CDC42BPA: variants seen among roughly 807,000 people sequenced by gnomAD.
CDC42BPA encodes serine/threonine-protein kinase MRCK alpha.
In CDC42BPA, 80 loss-of-function variants were observed where a neutral mutation model predicts 223.5. That is an observed-to-expected ratio of 0.36 (90% CI 0.30 to 0.43). The LOEUF (loss-of-function observed/expected upper bound fraction) is 0.43, where lower values mean the gene tolerates loss of function less well. Ranked by LOEUF, CDC42BPA falls within the 20% of genes least tolerant of loss-of-function variation. The pLI, the probability that CDC42BPA is intolerant of heterozygous loss-of-function variation, is 1.00. For missense variants in CDC42BPA, 1,743 were observed against 2,099.9 expected, an observed-to-expected ratio of 0.83 and a Z score of 3.32; for synonymous variants, 694 against 718.6, an observed-to-expected ratio of 0.97 and a Z score of 0.55.
At chr1:227,261,802 A>T (rs752998482) in intron 1 of CDC42BPA, among the ~76,000 whole-genome samples, 2 of 152,038 alleles carry the variant, frequency 1.3e-5, no homozygotes, top group East Asian at 3.9e-4. Flanking sequence ...CCCTTTCCCC[A>T]TGTCAGGGAA....
chr1:227,280,021 G>A, intron 1 of CDC42BPA, among the ~76,000 whole-genome samples: 1 of 151,978 alleles, frequency 6.6e-6, no homozygotes, highest in East Asian at 1.9e-4. Context: ...TTGTGCCACT[G>A]TAATCCAGCC....
rs1489949541 is a variant in CDC42BPA at position 226,991,957 on chromosome 1, ATGGGGAGGG to A, written c.*2302_*2310del. The A allele has an allele frequency of 6.6e-5, 8 of 121,374 alleles. No individual in the cohort carries two copies. Among genetic ancestry groups the A allele is most frequent in the Admixed American group, 6.3e-4 (7 of 11,134 alleles). 7.5% of individuals were successfully genotyped at this position (121,374 alleles called of 1,614,324 possible). The stretch of plus-strand genomic sequence containing the variant: ...AGGCAAGGGGAAAGGGAAGAGGAGG[ATGGGGAGGG>A]TGGGGATGGGGAGGGTGGGAAGAGT... On this transcript the variant is annotated 3_prime_UTR_variant, in exon 37 of 37. Coordinates refer to ENST00000366766, the MANE Select transcript of CDC42BPA (RefSeq NM_001394014.1).
intron 1 of CDC42BPA, among the ~76,000 whole-genome samples, chr1:227,285,320 A>T (rs573875615): frequency 1.3e-5 from 2 of 152,344 alleles, no homozygotes; most frequent in South Asian, 2.1e-4. Flanking sequence ...TAGCAATCAT[A>T]TATTTTTTGA....
At chr1:227,254,365 A>T (rs1682686191) in intron 1 of CDC42BPA, among the ~76,000 whole-genome samples, 2 of 152,188 alleles carry the variant, frequency 1.3e-5, no homozygotes, top group South Asian at 4.1e-4. Flanking sequence ...TATGAATTAC[A>T]TTTTTGGTGA....
rs142853761 is a variant in CDC42BPA at position 227,026,130 on chromosome 1, C to T, written c.4455G>A (p.Ser1485=). ...TATCAACTGCATTTTCACTGTACAC[C>T]GAGAGATATGGTGCATTGTAACCTG... ...SSCCYNAPYL[S]VYSENAVDIF... The change falls in exon 31 of 37, where the codon TCG becomes TCA. Residue 1485 remains serine (S), a synonymous_variant. Coordinates refer to ENST00000366766, the MANE Select transcript of CDC42BPA (RefSeq NM_001394014.1). 1,940 of 1,604,200 alleles carry T rather than the reference C, an allele frequency of 1.2e-3. 2 individuals carry two copies. The highest frequency in any genetic ancestry group is 1.5e-3 in the Non-Finnish European group (1,766 of 1,173,516).
At chr1:227,145,860 T>C in intron 7 of CDC42BPA, 123 bp from the exon 8 acceptor site, 1 of 708,550 alleles carries the variant, frequency 1.4e-6, no homozygotes, top group South Asian at 2.3e-5. Context: ...TGCATGTTGG[T>C]GCAAAGTACT....
chr1:227,296,422 T>C (rs72759328), intron 1 of CDC42BPA, among the ~76,000 whole-genome samples: 13,713 of 151,858 alleles, frequency 0.09, 728 homozygotes, highest in East Asian at 0.18. Flanking sequence ...GGGAAAAAAA[T>C]AGGCCGGGCA....
intron 21 of CDC42BPA, among the ~76,000 whole-genome samples, chr1:227,066,834 ATAT>A (rs1260463414): frequency 6.6e-6 from 1 of 152,176 alleles, no homozygotes; most frequent in Non-Finnish European, 1.5e-5. Context: ...GAGATTAGTT[ATAT>A]TATTATTACT....
chr1:227,150,869 G>A (rs72751810), intron 6 of CDC42BPA, among the ~76,000 whole-genome samples: 603 of 126,858 alleles, frequency 4.8e-3, no homozygotes, highest in Non-Finnish European at 5.3e-3. Context: ...AAAAAAAAAA[G>A]AAAAAAAAAA....
At chr1:227,122,950 C>T (rs1376561867) in intron 11 of CDC42BPA, among the ~76,000 whole-genome samples, 2 of 152,202 alleles carry the variant, frequency 1.3e-5, no homozygotes, top group Admixed American at 1.3e-4. Context: ...ATACCCAACA[C>T]AATTAGCCAT....
At chr1:227,262,405 CAG>C (rs1033083404) in intron 1 of CDC42BPA, among the ~76,000 whole-genome samples, 2 of 151,856 alleles carry the variant, frequency 1.3e-5, no homozygotes, top group Non-Finnish European at 2.9e-5. Context: ...AATTGAAAAA[CAG>C]GGGAAAGTAC....
At chr1:227,286,202 T>A (rs1315103788) in intron 1 of CDC42BPA, among the ~76,000 whole-genome samples, 1 of 152,198 alleles carries the variant, frequency 6.6e-6, no homozygotes, top group Non-Finnish European at 1.5e-5. Flanking sequence ...TTATGCTGTT[T>A]CCCTTTTTAT....
intron 3 of CDC42BPA, among the ~76,000 whole-genome samples, chr1:227,209,216 G>A: frequency 6.8e-6 from 1 of 146,248 alleles, no homozygotes; most frequent in Admixed American, 7.0e-5. Context: ...TGTATCCTGA[G>A]ACTTTGCTGA....
intron 17 of CDC42BPA, among the ~76,000 whole-genome samples, chr1:227,077,470 G>GT (rs1679735677): frequency 6.6e-6 from 1 of 152,122 alleles, no homozygotes; most frequent in Non-Finnish European, 1.5e-5. Flanking sequence ...GAAACGCTTT[G>GT]TAATTATTAA....
chr1:227,034,752 G>A lies in CDC42BPA; in HGVS notation c.3379C>T (p.Leu1127=), dbSNP rs1156228603. 6.2e-7 allele frequency: 1 copy of A among 1,613,098 alleles called. No individual in the cohort carries two copies. Among genetic ancestry groups the A allele is most frequent in the Admixed American group, 1.7e-5 (1 of 59,966 alleles). Residue 1127 remains leucine (L), a synonymous_variant, in exon 26 of 37, where the codon CTG becomes TTG. Transcript: ENST00000366766. ...AGTTTGAAGTCACACACTATAGCCA[G>A]TGCTCTCTGCCACCCTTTCTTCACT... The part of the protein sequence containing the change: ...AGVKKGWQRA[L]AIVCDFKLFL...
rs868593075 is a variant in CDC42BPA at position 227,063,531 on chromosome 1, C to T, written c.2904+6246G>A. Among the ~76,000 whole-genome samples, 3 of 151,566 alleles carry T rather than the reference C, an allele frequency of 2.0e-5. No homozygotes were observed. The East Asian group carries it at 5.8e-4, about 29-fold the overall frequency. ...TAAATATATTATTATATTATATATG[C>T]GATAAAATACGTAATATATACAATT... On this transcript the variant is annotated intron_variant, in intron 21 of 36. Transcript: ENST00000366766.
intron 23 of CDC42BPA, among the ~76,000 whole-genome samples, chr1:227,043,685 A>C (rs1177142746): frequency 1.3e-5 from 2 of 152,184 alleles, no homozygotes; most frequent in Non-Finnish European, 2.9e-5. Context: ...ACATGTATAT[A>C]TCTTTATAAA....
intron 2 of CDC42BPA, among the ~76,000 whole-genome samples, chr1:227,230,884 G>C (rs1408986147): frequency 7.1e-6 from 1 of 140,398 alleles, no homozygotes; most frequent in Non-Finnish European, 1.5e-5. Flanking sequence ...GCAGTGGCGT[G>C]GTCTCGGCTC....
chr1:227,153,345 C>A (rs1376688553), intron 6 of CDC42BPA, among the ~76,000 whole-genome samples: 1 of 151,746 alleles, frequency 6.6e-6, no homozygotes, highest in African/African-American at 2.4e-5. Flanking sequence ...ACCAAATAGA[C>A]CCAATCTACA....
Sources: gnomAD v4.1 joint callset for allele counts (sites outside exome capture counted in the v4.1 genomes callset) on GRCh38, gnomAD v4.1.1 for gene constraint, MANE v1.5 for transcripts, NCBI Gene and HGNC (gene_info 2026-07-23, HGNC 2026-07-21) for gene names.